Variants in LHFPL6 observed in about 807,000 individuals in gnomAD.
LHFPL6 encodes the protein LHFPL tetraspan subfamily member 6, also known as LHFPL tetraspan subfamily member 6 protein.
A neutral mutation model predicts 20.6 loss-of-function variants in LHFPL6; 9 were observed. The ratio of observed to expected loss-of-function variants is 0.44; its 90% confidence interval spans 0.26 to 0.76. LHFPL6 has a LOEUF of 0.76. LHFPL6 is among the 30% of genes least tolerant of loss of function. The pLI, the probability that LHFPL6 is intolerant of heterozygous loss-of-function variation, is 0.20. For missense variants in LHFPL6, 218 were observed against 253.5 expected, an observed-to-expected ratio of 0.86 and a Z score of 0.95; for synonymous variants, 105 against 98.7, an observed-to-expected ratio of 1.06 and a Z score of -0.38.
intron 2 of LHFPL6, among the ~76,000 whole-genome samples, chr13:39,420,931 T>C (rs1377552033): frequency 6.6e-6 from 1 of 152,200 alleles, no homozygotes; most frequent in Non-Finnish European, 1.5e-5. Flanking sequence ...TAGACAGCAA[T>C]ATCATATCTT....
At chr13:39,460,264 T>C (rs147317880) in intron 2 of LHFPL6, among the ~76,000 whole-genome samples, 2 of 152,298 alleles carry the variant, frequency 1.3e-5, no homozygotes, top group East Asian at 3.9e-4. Context: ...GGTTCAAGAA[T>C]ACAATGGTTT....
intron 2 of LHFPL6, among the ~76,000 whole-genome samples, chr13:39,478,871 C>T (rs74678932): frequency 6.6e-6 from 1 of 152,234 alleles, no homozygotes; most frequent in Non-Finnish European, 1.5e-5. Flanking sequence ...AGCTTGCAGA[C>T]AGCAGATCAC....
chr13:39,360,708 A>T lies in LHFPL6; in HGVS notation c.485-16654T>A, dbSNP rs1254201653. The stretch of plus-strand genomic sequence containing the variant: ...GGCAATGACCAGCTGTTCAAACGCT[A>T]AGCTCAAATAGGAGCACATGTTAGA... On this transcript the variant is annotated intron_variant, in intron 3 of 3. Coordinates refer to ENST00000379589, the MANE Select transcript of LHFPL6 (RefSeq NM_005780.3). Among the ~76,000 whole-genome samples the T allele has an allele frequency of 4.3e-5, 4 of 93,040 alleles. 1 individual carries two copies. The highest frequency in any genetic ancestry group is 1.0e-4 in the Non-Finnish European group (4 of 39,824). 61.0% of individuals were successfully genotyped at this position (93,040 alleles called of 152,430 possible).
At position 39,533,090 on chromosome 13, in the gene LHFPL6, A is replaced by G. The variant is rs545464724; in HGVS notation, c.385+67742T>C. ...CACAGACTTAAATAAAGGAAACAAG[A>G]GAATACATTGCAACCTTGGACTCTA... On this transcript the variant is annotated intron_variant, in intron 2 of 3. Coordinates refer to ENST00000379589, the MANE Select transcript of LHFPL6 (RefSeq NM_005780.3). Among the ~76,000 whole-genome samples, 5 of 152,332 alleles carry G rather than the reference A, an allele frequency of 3.3e-5. No homozygotes were observed. The South Asian group carries it at 1.0e-3, about 32-fold the overall frequency.
chr13:39,404,690 C>T (rs1345983253), intron 2 of LHFPL6, among the ~76,000 whole-genome samples: 3 of 152,174 alleles, frequency 2.0e-5, no homozygotes, highest in African/African-American at 7.2e-5. Context: ...GGTTTCTCTG[C>T]CATTTATGAG....
intron 2 of LHFPL6, among the ~76,000 whole-genome samples, chr13:39,438,063 T>C (rs952409416): frequency 6.6e-6 from 1 of 152,214 alleles, no homozygotes; most frequent in African/African-American, 2.4e-5. Context: ...TGGAATTTCC[T>C]AGAGACGTAT....
chr13:39,484,096 G>A (rs1868630716), intron 2 of LHFPL6, among the ~76,000 whole-genome samples: 1 of 152,100 alleles, frequency 6.6e-6, no homozygotes. Flanking sequence ...CCAGATCTGT[G>A]CTTTCAATGC....
intron 2 of LHFPL6, among the ~76,000 whole-genome samples, chr13:39,561,625 CTTTG>C (rs1234612692): frequency 6.6e-6 from 1 of 152,180 alleles, no homozygotes; most frequent in Admixed American, 6.5e-5. Flanking sequence ...GCCATGTCTG[CTTTG>C]TTTGTTTGGT....
At chr13:39,392,138 A>C (rs556961976) in intron 2 of LHFPL6, among the ~76,000 whole-genome samples, 7 of 152,218 alleles carry the variant, frequency 4.6e-5, no homozygotes, top group Non-Finnish European at 1.0e-4. Context: ...AGTGTTTTTT[A>C]ATATTAAAAG....
chr13:39,427,546 T>A (rs1170518777), intron 2 of LHFPL6, among the ~76,000 whole-genome samples: 1 of 152,354 alleles, frequency 6.6e-6, no homozygotes, highest in East Asian at 1.9e-4. Flanking sequence ...TGATTTAATT[T>A]TTAAACTTCT....
At chr13:39,581,278 C>T (rs2138539278) in intron 2 of LHFPL6, among the ~76,000 whole-genome samples, 1 of 152,298 alleles carries the variant, frequency 6.6e-6, no homozygotes, top group South Asian at 2.1e-4. Flanking sequence ...AACCACTCCA[C>T]ACAAAGTACA....
chr13:39,347,879 T>C (rs551512056), intron 3 of LHFPL6, among the ~76,000 whole-genome samples: 1 of 152,300 alleles, frequency 6.6e-6, no homozygotes, highest in East Asian at 1.9e-4. Flanking sequence ...ATACAATCAA[T>C]TGTTCATTAT....
At chr13:39,533,593 C>G (rs1344274966) in intron 2 of LHFPL6, among the ~76,000 whole-genome samples, 1 of 152,212 alleles carries the variant, frequency 6.6e-6, no homozygotes, top group Admixed American at 6.5e-5. Flanking sequence ...AACCACTCAT[C>G]TCTGCTACCA....
intron 2 of LHFPL6, among the ~76,000 whole-genome samples, chr13:39,415,991 T>C (rs530272588): frequency 1.3e-5 from 2 of 152,292 alleles, no homozygotes; most frequent in African/African-American, 2.4e-5. Context: ...TCTCTGTCCA[T>C]AGCAAGTGTA....
chr13:39,461,990 C>A (rs1872701029), intron 2 of LHFPL6, among the ~76,000 whole-genome samples: 1 of 152,056 alleles, frequency 6.6e-6, no homozygotes, highest in South Asian at 2.1e-4. Context: ...TGCCCTGTGG[C>A]TGAGTCTGTC....
chr13:39,422,667 T>G (rs1285342492), intron 2 of LHFPL6, among the ~76,000 whole-genome samples: 1 of 151,884 alleles, frequency 6.6e-6, no homozygotes, highest in Non-Finnish European at 1.5e-5. Flanking sequence ...AAATACACTC[T>G]TTTATCTGGA....
intron 2 of LHFPL6, among the ~76,000 whole-genome samples, chr13:39,475,848 GAGAA>G (rs1873072604): frequency 6.6e-6 from 1 of 152,166 alleles, no homozygotes; most frequent in Admixed American, 6.5e-5. Context: ...CCCCACCGTA[GAGAA>G]AGCACAGGCA....
At chr13:39,579,031 T>C (rs1289112418) in intron 2 of LHFPL6, among the ~76,000 whole-genome samples, 1 of 152,180 alleles carries the variant, frequency 6.6e-6, no homozygotes, top group East Asian at 1.9e-4. Context: ...CATCAGAAGA[T>C]TCAGTGTGGC....
At chr13:39,495,450 T>TA (rs1869067085) in intron 2 of LHFPL6, among the ~76,000 whole-genome samples, 1 of 152,190 alleles carries the variant, frequency 6.6e-6, no homozygotes, top group Admixed American at 6.5e-5. Context: ...AGTTCTCAAA[T>TA]CATTCATTGA....
Sources: allele counts gnomAD v4.1 joint callset (sites outside exome capture counted in the v4.1 genomes callset), GRCh38; gene constraint gnomAD v4.1.1; transcripts MANE v1.5; gene names NCBI Gene and HGNC (gene_info 2026-07-23, HGNC 2026-07-21).